The following FGGY variants were observed in gnomAD, a reference collection of about 807,000 sequenced individuals.
FGGY encodes the protein FGGY carbohydrate kinase domain-containing protein.
FGGY carries 72 observed loss-of-function variants against 71.3 expected under a neutral mutation model. That is an observed-to-expected ratio of 1.01 (90% confidence interval 0.84 to 1.23). The LOEUF (loss-of-function observed/expected upper bound fraction) is 1.23, where lower values mean the gene tolerates loss of function less well. Ranked by LOEUF, FGGY falls within the 50% of genes most tolerant of loss-of-function variation. The probability of loss-of-function intolerance (pLI) is 0.00; values close to 1 mark genes in which losing one functional copy is unlikely to be tolerated. For missense variants in FGGY, 668 were observed against 682.3 expected, an observed-to-expected ratio of 0.98 and a Z score of 0.23; for synonymous variants, 251 against 250.3, an observed-to-expected ratio of 1.00 and a Z score of -0.02.
At chr1:59,536,861 C>G (rs1406501022) in intron 7 of FGGY, among the ~76,000 whole-genome samples, 1 of 152,030 alleles carries the variant, frequency 6.6e-6, no homozygotes, top group African/African-American at 2.4e-5. Flanking sequence ...ATAATAAGAG[C>G]TATTTATGAC....
At chr1:59,487,121 A>G (rs992689459) in intron 6 of FGGY, among the ~76,000 whole-genome samples, 1 of 152,184 alleles carries the variant, frequency 6.6e-6, no homozygotes, top group Non-Finnish European at 1.5e-5. Flanking sequence ...AGATGTAGCA[A>G]AAGGAGATAT....
chr1:59,524,398 C>T (rs564368400), intron 7 of FGGY, among the ~76,000 whole-genome samples: 1 of 152,298 alleles, frequency 6.6e-6, no homozygotes, highest in East Asian at 1.9e-4. Flanking sequence ...CTGGCGAAAC[C>T]CCACCTTCAA....
intron 6 of FGGY, among the ~76,000 whole-genome samples, chr1:59,459,905 G>A (rs1316887179): frequency 6.6e-6 from 1 of 152,114 alleles, no homozygotes; most frequent in Non-Finnish European, 1.5e-5. Context: ...TTACTAACAG[G>A]GTTTGTCATA....
At chr1:59,411,514 C>T (rs906338733) in intron 5 of FGGY, among the ~76,000 whole-genome samples, 1 of 152,164 alleles carries the variant, frequency 6.6e-6, no homozygotes, top group African/African-American at 2.4e-5. Flanking sequence ...ATACCTTTGT[C>T]CACTAATTTT....
chr1:59,533,577 C>G (rs1248244271), intron 7 of FGGY, among the ~76,000 whole-genome samples: 1 of 152,218 alleles, frequency 6.6e-6, no homozygotes, highest in Non-Finnish European at 1.5e-5. Flanking sequence ...GCAGTAACCT[C>G]TGCAGACTTA....
chr1:59,496,784 T>C (rs2094048950), intron 6 of FGGY, among the ~76,000 whole-genome samples: 1 of 152,228 alleles, frequency 6.6e-6, no homozygotes, highest in African/African-American at 2.4e-5. Context: ...GGGATTCATA[T>C]GTGATATTTC....
intron 6 of FGGY, among the ~76,000 whole-genome samples, chr1:59,480,107 G>A (rs1360010607): frequency 1.3e-5 from 2 of 152,260 alleles, no homozygotes; most frequent in Admixed American, 6.5e-5. Flanking sequence ...TCATTGAATG[G>A]AAACTTGCCT....
chr1:59,672,011 C>A (rs906218565), intron 13 of FGGY, among the ~76,000 whole-genome samples: 8 of 152,196 alleles, frequency 5.3e-5, no homozygotes, highest in African/African-American at 1.9e-4. Context: ...GGTAGGAAGG[C>A]CCGGGAAGTG....
Position 59,346,258 on chromosome 1 carries a change from C to A in FGGY, c.325C>A (p.Arg109=), listed in dbSNP as rs372760219. ...LPVNQEGDSH[R]NVIMWLDHRA... ...CTCGTTTCTGCTAGGGGATTCCCAT[C>A]GAAACGTCATCATGTGGCTGGACCA... The change falls in exon 4 of 16, where the codon CGA becomes AGA. Residue 109 remains arginine (R), a synonymous_variant. Coordinates refer to ENST00000303721, the MANE Select transcript of FGGY (RefSeq NM_018291.5). The A allele has an allele frequency of 3.1e-6, 5 of 1,612,740 alleles. No homozygotes were observed. Among genetic ancestry groups the A allele is most frequent in the Non-Finnish European group, 4.2e-6 (5 of 1,179,602 alleles).
At chr1:59,591,083 C>G (rs564755870) in intron 8 of FGGY, among the ~76,000 whole-genome samples, 181 of 152,306 alleles carry the variant, frequency 1.2e-3, no homozygotes, top group African/African-American at 4.2e-3. Flanking sequence ...TAAGCAACTT[C>G]AGCAAAGTCT....
rs75092507 is a variant in FGGY, at chr1:59,432,090, A to G, written c.555-24871A>G. Among the ~76,000 whole-genome samples the G allele has an allele frequency of 4.1e-3, 624 of 152,260 alleles. 3 individuals are homozygous for G. Among genetic ancestry groups the G allele is most frequent in the African/African-American group, 0.014 (583 of 41,550 alleles). The stretch of plus-strand genomic sequence containing the variant: ...GAGGCTGGAGATTGAGTTAATAAGC[A>G]ATCATGCCTGTGTGATGAATCATCC... On this transcript the variant is annotated intron_variant, in intron 5 of 15. Coordinates refer to ENST00000303721, the MANE Select transcript of FGGY (RefSeq NM_018291.5).
intron 9 of FGGY, among the ~76,000 whole-genome samples, chr1:59,624,413 G>A (rs1572248493): frequency 6.6e-6 from 1 of 152,166 alleles, no homozygotes; most frequent in East Asian, 1.9e-4. Context: ...AGGAATAAAT[G>A]AAATAGAGTA....
intron 3 of FGGY, among the ~76,000 whole-genome samples, chr1:59,342,881 C>G (rs1365754765): frequency 6.6e-6 from 1 of 152,156 alleles, no homozygotes; most frequent in Non-Finnish European, 1.5e-5. Flanking sequence ...TAAGAAAATT[C>G]AGCATTAGTC....
chr1:59,331,662 T>C (rs889177080), intron 2 of FGGY, among the ~76,000 whole-genome samples: 7 of 152,210 alleles, frequency 4.6e-5, no homozygotes, highest in African/African-American at 1.7e-4. Context: ...TATTGGGTAT[T>C]GTCTATCCCT....
chr1:59,677,552 G>A (rs113477961), intron 14 of FGGY, among the ~76,000 whole-genome samples: 3,404 of 152,196 alleles, frequency 0.022, 118 homozygotes, highest in African/African-American at 0.078. Context: ...GAGGAGACAG[G>A]GTTTTCATAG....
intron 5 of FGGY, among the ~76,000 whole-genome samples, chr1:59,448,476 C>G (rs777191933): frequency 6.6e-6 from 1 of 152,068 alleles, no homozygotes; most frequent in Non-Finnish European, 1.5e-5. Context: ...ATGCAAGGAA[C>G]CCAGTGTTCT....
At chr1:59,464,406 G>C (rs1222118232) in intron 6 of FGGY, among the ~76,000 whole-genome samples, 1 of 152,174 alleles carries the variant, frequency 6.6e-6, no homozygotes, top group African/African-American at 2.4e-5. Context: ...GCCCACAAGA[G>C]AAAGCAGGAA....
chr1:59,502,933 G>A (rs953919338), intron 6 of FGGY, among the ~76,000 whole-genome samples: 2 of 152,184 alleles, frequency 1.3e-5, no homozygotes, highest in African/African-American at 4.8e-5. Context: ...TGACTCTTGT[G>A]GTTTTGTTCC....
intron 14 of FGGY, among the ~76,000 whole-genome samples, chr1:59,682,552 G>A (rs528158007): frequency 6.6e-6 from 1 of 152,306 alleles, no homozygotes; most frequent in South Asian, 2.1e-4. Flanking sequence ...GTTACTGGAT[G>A]CCCAGAACAG....
Sources: allele counts gnomAD v4.1 joint callset (sites outside exome capture counted in the v4.1 genomes callset), GRCh38; gene constraint gnomAD v4.1.1; transcripts MANE v1.5; gene names NCBI Gene and HGNC (gene_info 2026-07-23, HGNC 2026-07-21).